ESR1: variants seen among roughly 807,000 people sequenced by gnomAD.
ESR1 encodes the protein estrogen receptor 1.
Under a neutral mutation model 52.7 loss-of-function variants are expected in ESR1, and 12 were observed. The observed-to-expected ratio is 0.23, with a 90% CI of 0.15 to 0.37. ESR1 has a LOEUF of 0.37. ESR1 is among the 10% of genes least tolerant of loss of function. The pLI, the probability that ESR1 is intolerant of heterozygous loss-of-function variation, is 1.00. For missense variants in ESR1, 584 were observed against 779.7 expected (o/e 0.75, Z 2.99); for synonymous variants, 305 against 316.8 (o/e 0.96, Z 0.39).
At chr6:151,683,748 G>A (rs951817012) in intron 1 of ESR1, among the ~76,000 whole-genome samples, 6 of 151,518 alleles carry the variant, frequency 4.0e-5, no homozygotes, top group Non-Finnish European at 7.4e-5. Flanking sequence ...GCCCAGGCTA[G>A]AGTGCAGAGG....
intron 4 of ESR1, among the ~76,000 whole-genome samples, chr6:152,006,340 A>G (rs1187393338): frequency 6.6e-6 from 1 of 151,970 alleles, no homozygotes; most frequent in East Asian, 1.9e-4. Context: ...CAGAATGGGA[A>G]TCATAGCTTT....
chr6:151,857,266 A>G (rs1334977794), intron 2 of ESR1, among the ~76,000 whole-genome samples: 2 of 152,186 alleles, frequency 1.3e-5, no homozygotes, highest in Admixed American at 6.6e-5. Flanking sequence ...TTTACAGAGA[A>G]TGTACATTGT....
intron 1 of ESR1, 42 bp from the exon 2 acceptor site, chr6:151,842,555 G>T (rs1248744793): frequency 1.3e-6 from 2 of 1,567,604 alleles, no homozygotes; most frequent in Non-Finnish European, 1.7e-6. Context: ...TGCATGTTTT[G>T]CTTTTCTAAT....
chr6:151,895,311 T>G (rs545021543), intron 3 of ESR1, among the ~76,000 whole-genome samples: 66 of 152,098 alleles, frequency 4.3e-4, no homozygotes, highest in African/African-American at 1.6e-3. Context: ...GTCTTTAGGG[T>G]TTTCTAGTTA....
intron 1 of ESR1, among the ~76,000 whole-genome samples, chr6:151,839,414 C>T (rs920353974): frequency 2.0e-5 from 3 of 152,122 alleles, no homozygotes; most frequent in Non-Finnish European, 4.4e-5. Context: ...ATGGTGCAGC[C>T]ACTGTGGAAA....
chr6:151,850,464 AG>A (rs1355545154), intron 2 of ESR1, among the ~76,000 whole-genome samples: 1 of 151,308 alleles, frequency 6.6e-6, no homozygotes, highest in Non-Finnish European at 1.5e-5. Flanking sequence ...AGAAGGAGAA[AG>A]AAAGAGAGGA....
chr6:151,758,657 A>T (rs968464954), intron 2 of ESR1, among the ~76,000 whole-genome samples: 6 of 151,788 alleles, frequency 4.0e-5, no homozygotes, highest in African/African-American at 1.5e-4. Flanking sequence ...GCTACTCAGG[A>T]GGCTGAGGCA....
intron 4 of ESR1, among the ~76,000 whole-genome samples, chr6:151,962,928 T>C (rs1032530893): frequency 6.6e-6 from 1 of 152,174 alleles, no homozygotes; most frequent in African/African-American, 2.4e-5. Context: ...TAAATATATA[T>C]AAAATGAATA....
chr6:151,664,700 C>G (rs1335697540), intron 1 of ESR1, among the ~76,000 whole-genome samples: 2 of 152,212 alleles, frequency 1.3e-5, no homozygotes, highest in Admixed American at 1.3e-4. Context: ...AAACAGTAAT[C>G]TAAATTTCCC....
chr6:151,950,222 G>T (rs79613403), intron 4 of ESR1, among the ~76,000 whole-genome samples: 1 of 152,188 alleles, frequency 6.6e-6, no homozygotes, highest in Non-Finnish European at 1.5e-5. Context: ...TCTGGGATGT[G>T]TCTTTATGAG....
intron 2 of ESR1, among the ~76,000 whole-genome samples, chr6:151,870,760 A>G (rs1249013900): frequency 6.6e-6 from 1 of 152,190 alleles, no homozygotes; most frequent in Non-Finnish European, 1.5e-5. Flanking sequence ...GGCCCAGTGC[A>G]TGGTGCACAG....
intron 6 of ESR1, chr6:152,125,234 T>C: frequency 1.3e-6 from 2 of 1,547,888 alleles, no homozygotes; most frequent in Non-Finnish European, 1.7e-6. Flanking sequence ...GGAATAATGG[T>C]AATGGTAATT....
At chr6:152,074,714 G>C (rs2048597618) in intron 6 of ESR1, among the ~76,000 whole-genome samples, 1 of 152,210 alleles carries the variant, frequency 6.6e-6, no homozygotes, top group African/African-American at 2.4e-5. Flanking sequence ...CCAACAATGA[G>C]TGAGAGTTCC....
intron 5 of ESR1, among the ~76,000 whole-genome samples, chr6:152,052,700 G>A (rs940128060): frequency 1.3e-5 from 2 of 152,108 alleles, no homozygotes; most frequent in African/African-American, 4.8e-5. Flanking sequence ...GGACTGCAGA[G>A]AAGTTTCCCT....
At chr6:151,938,598 T>C (rs1361511987) in intron 3 of ESR1, among the ~76,000 whole-genome samples, 2 of 152,300 alleles carry the variant, frequency 1.3e-5, no homozygotes, top group Non-Finnish European at 2.9e-5. Context: ...TTTGAAGAGA[T>C]TCCTTAGGGC....
At chr6:151,886,552 G>C (rs1793879788) in intron 3 of ESR1, among the ~76,000 whole-genome samples, 1 of 152,048 alleles carries the variant, frequency 6.6e-6, no homozygotes, top group Admixed American at 6.5e-5. Flanking sequence ...TACTAATATA[G>C]ACAGGGAAAT....
At chr6:151,865,140 A>G (rs1789642580) in intron 2 of ESR1, among the ~76,000 whole-genome samples, 1 of 152,138 alleles carries the variant, frequency 6.6e-6, no homozygotes, top group African/African-American at 2.4e-5. Context: ...AACACTATTA[A>G]CAATTTCTTC....
chr6:151,939,213 AG>A (rs2034743842), intron 3 of ESR1, among the ~76,000 whole-genome samples: 1 of 152,186 alleles, frequency 6.6e-6, no homozygotes, highest in South Asian at 2.1e-4. Context: ...GACTGTCAAG[AG>A]GCTGCCTGTT....
intron 1 of ESR1, among the ~76,000 whole-genome samples, chr6:151,841,091 T>A (rs923543898): frequency 1.6e-4 from 24 of 152,212 alleles, no homozygotes; most frequent in South Asian, 8.3e-4. Context: ...TTCTTTTACC[T>A]GTGTTTTTAA....
Sources: gnomAD v4.1 joint callset for allele counts (sites outside exome capture counted in the v4.1 genomes callset) on GRCh38, gnomAD v4.1.1 for gene constraint, MANE v1.5 for transcripts, NCBI Gene and HGNC (gene_info 2026-07-23, HGNC 2026-07-21) for gene names.